The following MTFR1 variants were observed in gnomAD, a reference collection of about 807,000 sequenced individuals.
MTFR1 encodes the protein mitochondrial fission regulator 1.
Under a neutral mutation model 38.8 loss-of-function variants are expected in MTFR1, and 28 were observed. The ratio of observed to expected loss-of-function variants is 0.72; its 90% CI spans 0.53 to 0.99. MTFR1 has a LOEUF of 0.99. Among genes scored for constraint, MTFR1 ranks in the 50% least tolerant of loss-of-function variants. The pLI, the probability that MTFR1 is intolerant of heterozygous loss-of-function variation, is 0.00. For synonymous variants in MTFR1, 145 were observed against 137.0 expected (o/e 1.06, Z -0.41); for missense variants, 358 against 395.5 (o/e 0.91, Z 0.81).
At chr8:65,714,383 A>G (rs913272941), downstream of MTFR1, 2 of 152,058 alleles carry the variant, frequency 1.3e-5, no homozygotes, top group African/African-American at 2.4e-5. Context: ...CACCAGCCCT[A>G]TGGTGAGCAC....
chr8:65,702,893 A>G (rs1398005644), intron 4 of MTFR1, among the ~76,000 whole-genome samples: 1 of 152,162 alleles, frequency 6.6e-6, no homozygotes, highest in Non-Finnish European at 1.5e-5. Context: ...AGTAACAAGG[A>G]AAAAAGAGAG....
chr8:65,704,575 T>G (rs1036331627), intron 4 of MTFR1, 119 bp from the exon 5 acceptor site: 4 of 745,914 alleles, frequency 5.4e-6, no homozygotes, highest in Admixed American at 5.3e-5. Flanking sequence ...AAGGGACTTA[T>G]GTAAGATCAG....
intron 3 of MTFR1, chr8:65,727,147 C>A: frequency 2.2e-6 from 3 of 1,353,606 alleles, no homozygotes; most frequent in East Asian, 2.3e-5. Context: ...AATAATAAAT[C>A]TTGATGATAA....
intron 3 of MTFR1, among the ~76,000 whole-genome samples, chr8:65,751,584 C>T (rs751003032): frequency 1.8e-4 from 27 of 152,258 alleles, no homozygotes; most frequent in Admixed American, 1.2e-3. Context: ...CCTCCGCCTC[C>T]GGGGTTCAAG....
chr8:65,717,457 G>A (rs763559754), intron 2 of MTFR1: 2 of 152,192 alleles, frequency 1.3e-5, no homozygotes, highest in Non-Finnish European at 2.9e-5. Context: ...GGAACAAAAG[G>A]CCTGGCTCAA....
rs545883328 is a variant in MTFR1, at chr8:65,766,535, G to T, written c.*49-4412G>T. 1.7e-3 allele frequency among the ~76,000 whole-genome samples: 254 copies of T among 152,268 alleles called. 1 individual carries two copies. Among genetic ancestry groups the T allele is most frequent in the African/African-American group, 5.6e-3 (231 of 41,552 alleles). On this transcript the variant is annotated intron_variant, in intron 3 of 3. Transcript: ENST00000521247. ...GTAAAAAATGATGCTTAGGAGCAAG[G>T]GAGCCTGTTAGAACACGTAGAAAGC...
chr8:65,723,531 G>A (rs747755185), intron 3 of MTFR1: 1 of 1,546,148 alleles, frequency 6.5e-7, no homozygotes, highest in Non-Finnish European at 8.7e-7. Context: ...ATCTAAATAT[G>A]TATAGTTACC....
intron 3 of MTFR1, among the ~76,000 whole-genome samples, chr8:65,686,924 C>CAA: frequency 7.7e-6 from 1 of 130,704 alleles, no homozygotes; most frequent in East Asian, 2.2e-4. Flanking sequence ...ACTCCATCTC[C>CAA]AAAAAAAAAA....
chr8:65,691,685 T>C (rs1805284321), intron 3 of MTFR1, among the ~76,000 whole-genome samples: 1 of 152,188 alleles, frequency 6.6e-6, no homozygotes, highest in South Asian at 2.1e-4. Flanking sequence ...AGTCTTGCTC[T>C]GTCGCCCAGG....
intron 3 of MTFR1, among the ~76,000 whole-genome samples, chr8:65,688,216 A>G (rs1236450996): frequency 6.6e-6 from 1 of 151,240 alleles, no homozygotes; most frequent in African/African-American, 2.4e-5. Context: ...GCTGCCCAAC[A>G]TGGTGAAACC....
downstream of MTFR1, among the ~76,000 whole-genome samples, chr8:65,712,446 G>T (rs1461505893): frequency 6.6e-6 from 1 of 152,126 alleles, no homozygotes; most frequent in Non-Finnish European, 1.5e-5. Context: ...CCTCTAGAGT[G>T]AATCAGTGCC....
At chr8:65,645,067 T>G (rs1461912781) in intron 1 of MTFR1, among the ~76,000 whole-genome samples, 1 of 152,122 alleles carries the variant, frequency 6.6e-6, no homozygotes, top group Non-Finnish European at 1.5e-5. Context: ...CACCCGCCAA[T>G]CTACCCCTAC....
downstream of MTFR1, among the ~76,000 whole-genome samples, chr8:65,775,201 C>T (rs544511656): frequency 6.6e-6 from 1 of 152,264 alleles, no homozygotes; most frequent in East Asian, 1.9e-4. Context: ...TAGCTAGCAA[C>T]TTATCTCTTT....
intron 1 of MTFR1, among the ~76,000 whole-genome samples, chr8:65,648,238 C>T (rs147546224): frequency 1.3e-5 from 2 of 152,094 alleles, no homozygotes; most frequent in Admixed American, 1.3e-4. Flanking sequence ...AGTATGGTCT[C>T]GATCTCCTGA....
Position 65,717,880 on chromosome 8 carries a change from C to T in MTFR1, c.382-1500C>T, listed in dbSNP as rs979516974. The T allele has an allele frequency of 3.3e-5, 5 of 152,040 alleles. No homozygotes were observed. In the East Asian group the frequency reaches 7.7e-4, roughly 23 times the overall value. 9.4% of individuals were successfully genotyped at this position (152,040 alleles called of 1,614,324 possible). Reference sequence around the variant, plus strand: ...ATACAAATGAACTAAAAGAAAGCACCGGTTTCTCTTAAAACTAGATTACAG... The same window carrying T: ...ATACAAATGAACTAAAAGAAAGCACTGGTTTCTCTTAAAACTAGATTACAG... On this transcript the variant is annotated intron_variant, in intron 2 of 3. Transcript: ENST00000521247.
intron 4 of MTFR1, among the ~76,000 whole-genome samples, chr8:65,703,401 C>A (rs185148320): frequency 8.3e-4 from 116 of 140,138 alleles, no homozygotes; most frequent in South Asian, 1.4e-3. Flanking sequence ...TTTGGTACAT[C>A]CATGCTTGAT....
Position 65,724,395 on chromosome 8 carries a change from T to C in MTFR1, c.*48+4914T>C, listed in dbSNP as rs73690899. 2,209 of 1,293,282 alleles carry C rather than the reference T, an allele frequency of 1.7e-3. 21 individuals carry two copies. In the African/African-American group the frequency reaches 0.025, roughly 15 times the overall value. The allele number at this position is 1,293,282 out of a possible 1,614,324, so 80.1% of individuals were successfully genotyped here. A position where few individuals can be genotyped will look rare whatever the true frequency, so the allele number is the denominator to read the frequency against. On this transcript the variant is annotated intron_variant, in intron 3 of 3. Coordinates refer to the MTFR1 transcript ENST00000521247. ...ATATTGTTTTAAGATATATACACACTTGACAATAATACCAAAGAACCAAGT... is the reference window on the plus strand; with the variant it reads ...ATATTGTTTTAAGATATATACACACCTGACAATAATACCAAAGAACCAAGT...
chr8:65,670,625 AT>A (rs904752829), intron 2 of MTFR1, among the ~76,000 whole-genome samples: 5 of 150,776 alleles, frequency 3.3e-5, no homozygotes, highest in Non-Finnish European at 5.9e-5. Context: ...TTTGAAATTC[AT>A]TTTTTTTCAT....
chr8:65,678,915 G>A (rs1804797932), intron 2 of MTFR1, among the ~76,000 whole-genome samples: 1 of 151,924 alleles, frequency 6.6e-6, no homozygotes, highest in South Asian at 2.1e-4. Context: ...CTGAATCATT[G>A]GCCACTTCTC....
Sources: gnomAD v4.1 joint callset for allele counts (sites outside exome capture counted in the v4.1 genomes callset) on GRCh38, gnomAD v4.1.1 for gene constraint, MANE v1.5 for transcripts, NCBI Gene and HGNC (gene_info 2026-07-23, HGNC 2026-07-21) for gene names.